NEDD4: variants seen among roughly 807,000 people sequenced by gnomAD.
NEDD4 encodes NEDD4 E3 ubiquitin protein ligase, also known as E3 ubiquitin-protein ligase NEDD4.
Under a neutral mutation model 144.9 loss-of-function variants are expected in NEDD4, and 99 were observed. The ratio of observed to expected loss-of-function variants is 0.68; its 90% CI spans 0.58 to 0.81. The LOEUF is 0.81. NEDD4 is among the 30% of genes least tolerant of loss of function. The probability of loss-of-function intolerance (pLI) is 0.00; values close to 1 mark genes in which losing one functional copy is unlikely to be tolerated. For missense variants in NEDD4, 985 were observed against 1,065.9 expected, an observed-to-expected ratio of 0.92 and a Z score of 1.06; for synonymous variants, 318 against 350.6, an observed-to-expected ratio of 0.91 and a Z score of 1.04.
chr15:55,829,954 T>A lies in NEDD4; in HGVS notation c.2646A>T (p.Leu882Phe). The A allele has an allele frequency of 1.2e-6, 2 of 1,613,846 alleles. No homozygotes were observed. The highest frequency in any genetic ancestry group is 1.7e-6 in the Non-Finnish European group (2 of 1,179,896). ...DLPPYESFEE[L>F]WDKLQMAIEN... ...CAATTGCCATCTGAAGTTTATCCCA[T>A]AATTCTTCAAATGATTCATAAGGTG... Residue 882 changes from leucine to phenylalanine, a missense_variant, in exon 29 of 29, where the codon TTA becomes TTT. Leu to Phe is a conservative substitution (Grantham distance 22). Coordinates refer to ENST00000435532, the MANE Select transcript of NEDD4 (RefSeq NM_006154.4).
chr15:55,834,189 T>A, intron 25 of NEDD4, 38 bp downstream of exon 25: 2 of 1,607,900 alleles, frequency 1.2e-6, no homozygotes, highest in Non-Finnish European at 1.7e-6. Flanking sequence ...AATAATGGGT[T>A]CACAATTTCT....
chr15:55,853,502 T>A (rs1008450096), intron 12 of NEDD4, among the ~76,000 whole-genome samples: 1 of 152,238 alleles, frequency 6.6e-6, no homozygotes, highest in Non-Finnish European at 1.5e-5. Context: ...AAGTAACTTG[T>A]TAAGCGACAT....
intron 4 of NEDD4, among the ~76,000 whole-genome samples, chr15:55,927,071 A>G (rs575316881): frequency 6.7e-4 from 81 of 120,422 alleles, no homozygotes; most frequent in Non-Finnish European, 1.0e-3. Context: ...GAGTGAGACT[A>G]CGTCTCAAAA....
intron 5 of NEDD4, among the ~76,000 whole-genome samples, chr15:55,910,107 C>G (rs1427458878): frequency 3.9e-5 from 6 of 152,206 alleles, no homozygotes; most frequent in Non-Finnish European, 5.9e-5. Flanking sequence ...AGACTGTACT[C>G]TCCCTGTAGA....
chr15:55,904,447 C>T (rs746557945), intron 5 of NEDD4, among the ~76,000 whole-genome samples: 2 of 151,934 alleles, frequency 1.3e-5, no homozygotes, highest in Non-Finnish European at 2.9e-5. Flanking sequence ...GGATTACAGG[C>T]GTGCACCAAC....
chr15:55,838,289 A>G (rs966194939), intron 22 of NEDD4, 109 bp from the exon 23 acceptor site: 22 of 819,082 alleles, frequency 2.7e-5, no homozygotes, highest in Non-Finnish European at 3.8e-5. Flanking sequence ...AGTCCAGTCA[A>G]AAGTTAAAAA....
At chr15:55,911,333 G>A (rs1407059778) in intron 5 of NEDD4, among the ~76,000 whole-genome samples, 1 of 152,038 alleles carries the variant, frequency 6.6e-6, no homozygotes, top group Non-Finnish European at 1.5e-5. Flanking sequence ...ATGCTGAGAT[G>A]GGGAATCCCT....
chr15:55,932,204 T>C (rs1382632230), intron 4 of NEDD4, among the ~76,000 whole-genome samples: 7 of 152,202 alleles, frequency 4.6e-5, no homozygotes, highest in African/African-American at 7.2e-5. Context: ...TTTACCTGCA[T>C]TGCCAAGACA....
chr15:55,890,280 A>T (rs2035525671), intron 5 of NEDD4, among the ~76,000 whole-genome samples: 1 of 152,174 alleles, frequency 6.6e-6, no homozygotes, highest in South Asian at 2.1e-4. Context: ...AGAGTTGTTC[A>T]ACCATTAGAC....
Position 55,829,911 on chromosome 15 carries a change from C to G in NEDD4, c.2689G>C (p.Asp897His), listed in dbSNP as rs1323598453. Residue 897 changes from aspartate (D) to histidine (H), a missense_variant, in exon 29 of 29, where the codon GAT (aspartate) becomes CAT (histidine). Transcript: ENST00000435532. Reference protein sequence around the residue: ...QMAIENTQGFDGVD With the variant: ...QMAIENTQGFHGVD ...TTATTTGTAATCTAATCAACTCCAT[C>G]AAAGCCCTGGGTGTTTTCAATTGCC... The G allele has an allele frequency of 6.2e-7, 1 of 1,612,526 alleles. No homozygotes were observed. The highest frequency in any genetic ancestry group is 2.2e-5 in the East Asian group (1 of 44,876).
At chr15:55,944,107 G>A (rs573288865) in intron 4 of NEDD4, among the ~76,000 whole-genome samples, 52 of 152,322 alleles carry the variant, frequency 3.4e-4, no homozygotes, top group Admixed American at 1.8e-3. Context: ...TTCCACCTGA[G>A]GTGCCTGGTT....
At position 55,862,994 on chromosome 15, in the gene NEDD4, T is replaced by G; in HGVS notation, c.593A>C (p.Glu198Ala). ...CCTTCCAAGGATATCCTGCCTCTCT[T>G]CCCACCCTGGAGGTAGAGGAGAAGG... ...QEPSPLPPGW[E>A]ERQDILGRTY... The change falls in exon 9 of 29, where the codon GAA (glutamate) becomes GCA (alanine). Residue 198 changes from glutamate to alanine, a missense_variant. Physicochemically the swap from Glu to Ala is moderately radical, Grantham distance 107. Transcript: ENST00000435532. 6.2e-7 allele frequency: 1 copy of G among 1,607,632 alleles called. No homozygotes were observed. Among genetic ancestry groups the G allele is most frequent in the Non-Finnish European group, 8.5e-7 (1 of 1,175,606 alleles).
At chr15:55,974,387 G>A (rs985466253) in intron 1 of NEDD4, among the ~76,000 whole-genome samples, 1 of 152,102 alleles carries the variant, frequency 6.6e-6, no homozygotes. Context: ...AAAAAATAGA[G>A]GAGGAGGAAT....
intron 4 of NEDD4, among the ~76,000 whole-genome samples, chr15:55,943,047 C>A (rs2136385): frequency 0.47 from 71,918 of 152,052 alleles, 17,313 homozygotes; most frequent in Non-Finnish European, 0.52. Flanking sequence ...GAACTTTGAA[C>A]TTGAAAGAGA....
intron 1 of NEDD4, 54 bp downstream of exon 1, chr15:55,993,457 G>A (rs2038021854): frequency 1.9e-6 from 3 of 1,579,536 alleles, no homozygotes; most frequent in African/African-American, 2.8e-5. Flanking sequence ...CCCCGGGTCC[G>A]GCTGCTGAAT....
chr15:55,857,263 T>C (rs2034231357), intron 11 of NEDD4, among the ~76,000 whole-genome samples: 1 of 152,238 alleles, frequency 6.6e-6, no homozygotes, highest in African/African-American at 2.4e-5. Flanking sequence ...CTTTAGGTCT[T>C]TGACCACTAA....
rs757961850 is a variant in NEDD4 at position 55,840,673 on chromosome 15, G to A, written c.1893C>T (p.His631=). ...GACCAATAAACTTGAAGTAAGAGAG[G>A]TGATCTTCGTTACACAATCCAGAGT... The part of the protein sequence containing the change: ...NPNSGLCNED[H]LSYFKFIGRV... Residue 631 remains histidine (H), a synonymous_variant, in exon 20 of 29, where the codon CAC becomes CAT. Coordinates refer to ENST00000435532, the MANE Select transcript of NEDD4 (RefSeq NM_006154.4). 2.5e-6 allele frequency: 4 copies of A among 1,614,024 alleles called. No homozygotes were observed. The highest frequency in any genetic ancestry group is 3.4e-6 in the Non-Finnish European group (4 of 1,179,964).
At chr15:55,954,661 A>T (rs1220506143) in intron 2 of NEDD4, among the ~76,000 whole-genome samples, 1 of 151,942 alleles carries the variant, frequency 6.6e-6, no homozygotes, top group African/African-American at 2.4e-5. Flanking sequence ...AGTAGCTGGG[A>T]TTACAGGCAT....
At chr15:55,934,528 A>T (rs1466686482) in intron 4 of NEDD4, among the ~76,000 whole-genome samples, 2 of 152,206 alleles carry the variant, frequency 1.3e-5, no homozygotes, top group Non-Finnish European at 2.9e-5. Context: ...ATGAATAGAA[A>T]GTATTCCGGC....
Sources: allele counts gnomAD v4.1 joint callset (sites outside exome capture counted in the v4.1 genomes callset), GRCh38; gene constraint gnomAD v4.1.1; transcripts MANE v1.5; gene names NCBI Gene and HGNC (gene_info 2026-07-23, HGNC 2026-07-21).